Variants in DLGAP2 observed in about 807,000 individuals in gnomAD.
The protein encoded by DLGAP2 is DLG associated protein 2, also known as disks large-associated protein 2.
Under a neutral mutation model 100.3 loss-of-function variants are expected in DLGAP2, and 26 were observed. The observed-to-expected ratio is 0.26, with a 90% CI of 0.19 to 0.36. The LOEUF (loss-of-function observed/expected upper bound fraction) is 0.36, where lower values mean the gene tolerates loss of function less well. Among genes scored for constraint, DLGAP2 ranks in the 10% least tolerant of loss-of-function variants. DLGAP2 has a pLI of 1.00. For missense variants in DLGAP2, 1,858 were observed against 1,453.2 expected, an observed-to-expected ratio of 1.28 and a Z score of -4.53; for synonymous variants, 886 against 630.1, an observed-to-expected ratio of 1.41 and a Z score of -6.08.
intron 4 of DLGAP2, among the ~76,000 whole-genome samples, chr8:1,515,693 C>A (rs185503380): frequency 3.9e-5 from 6 of 152,248 alleles, no homozygotes; most frequent in Admixed American, 2.6e-4. Flanking sequence ...ACAACATGCA[C>A]AAATATGCAG....
chr8:1,673,496 CTTA>C (rs1798739529), intron 10 of DLGAP2, among the ~76,000 whole-genome samples: 1 of 152,232 alleles, frequency 6.6e-6, no homozygotes, highest in African/African-American at 2.4e-5. Context: ...CTTCATTTTA[CTTA>C]GAAAGATTTC....
At chr8:1,370,234 A>G (rs982781667) in intron 3 of DLGAP2, among the ~76,000 whole-genome samples, 10 of 152,118 alleles carry the variant, frequency 6.6e-5, no homozygotes, top group African/African-American at 2.4e-4. Context: ...GCAGGTAGAA[A>G]ATGGAGGTGA....
intron 3 of DLGAP2, among the ~76,000 whole-genome samples, chr8:1,336,497 C>T (rs1038094627): frequency 1.3e-5 from 2 of 152,210 alleles, no homozygotes; most frequent in African/African-American, 2.4e-5. Flanking sequence ...TCCAGTGTGC[C>T]ACTGAAACAC....
intron 2 of DLGAP2, among the ~76,000 whole-genome samples, chr8:1,152,575 G>C (rs900580812): frequency 6.6e-6 from 1 of 150,648 alleles, no homozygotes; most frequent in Non-Finnish European, 1.5e-5. Flanking sequence ...GTAAGGTGGT[G>C]GTTGATGGAA....
At chr8:1,475,512 G>A (rs751770521) in intron 3 of DLGAP2, among the ~76,000 whole-genome samples, 1 of 152,132 alleles carries the variant, frequency 6.6e-6, no homozygotes, top group Non-Finnish European at 1.5e-5. Context: ...GAGGTGCCCC[G>A]CTGATTGTTG....
rs146787058 is a variant in DLGAP2, at chr8:1,534,808, G to A, written c.173-13818G>A. Among the ~76,000 whole-genome samples, 164 of 152,302 alleles carry A rather than the reference G, an allele frequency of 1.1e-3. 2 individuals are homozygous for A. The highest frequency in any genetic ancestry group is 0.01 in the Middle Eastern group (3 of 292). On this transcript the variant is annotated intron_variant, in intron 4 of 14. Transcript: ENST00000637795. ...CGTGTGTGAGTGTAAGTGTGTGTGC[G>A]CGTGATGTGTGTGCGTGTGCGCACG...
intron 2 of DLGAP2, among the ~76,000 whole-genome samples, chr8:1,022,026 C>A (rs1198318594): frequency 6.6e-6 from 1 of 152,166 alleles, no homozygotes; most frequent in African/African-American, 2.4e-5. Flanking sequence ...ACTGGCCTTG[C>A]AAAGGGGTGA....
intron 1 of DLGAP2, among the ~76,000 whole-genome samples, chr8:866,887 C>T (rs1401689864): frequency 2.6e-5 from 4 of 152,156 alleles, no homozygotes; most frequent in African/African-American, 4.8e-5. Context: ...GTTCTCCTGT[C>T]GCCCCAACAT....
intron 2 of DLGAP2, among the ~76,000 whole-genome samples, chr8:1,174,086 GCAGTGTTAAACAGTGA>G (rs1160569882): frequency 6.6e-6 from 1 of 152,192 alleles, no homozygotes; most frequent in Non-Finnish European, 1.5e-5. Flanking sequence ...GGTCATGGGA[GCAGTGTTAAACAGTGA>G]CAGAGGGCTC....
chr8:809,299 T>C (rs1387559023), intron 1 of DLGAP2, among the ~76,000 whole-genome samples: 1 of 152,234 alleles, frequency 6.6e-6, no homozygotes, highest in East Asian at 1.9e-4. Flanking sequence ...AATTAGTTCA[T>C]AAACAATTAT....
chr8:1,206,559 C>T (rs867724232), intron 2 of DLGAP2, among the ~76,000 whole-genome samples: 1 of 140,358 alleles, frequency 7.1e-6, no homozygotes, highest in Non-Finnish European at 1.5e-5. Context: ...GGTTAATCTC[C>T]AGCCATCCGT....
chr8:1,344,149 CCTGTCGTGGGTCTTTGTACTCGGGGCG>C (rs1265431441), intron 3 of DLGAP2, among the ~76,000 whole-genome samples: 2 of 151,324 alleles, frequency 1.3e-5, no homozygotes, highest in African/African-American at 4.9e-5. Context: ...TACTCGGGGC[CCTGTCGTGGGTCTTTGTACTCGGGGCG>C]CTGTCGTGGG....
intron 4 of DLGAP2, among the ~76,000 whole-genome samples, chr8:1,542,994 G>A (rs1013643533): frequency 1.3e-5 from 2 of 152,038 alleles, no homozygotes; most frequent in Admixed American, 6.6e-5. Flanking sequence ...GTGCTCTTTC[G>A]CCGTTAGGAC....
rs199632957 is a variant in DLGAP2, at chr8:1,202,508, AC to A, written c.74-56342del. Among the ~76,000 whole-genome samples, 59 of 152,304 alleles carry A rather than the reference AC, an allele frequency of 3.9e-4. No homozygotes were observed. In the East Asian group the frequency reaches 9.1e-3, roughly 23 times the overall value. The stretch of plus-strand genomic sequence containing the variant: ...GTAGGAAGAAGGAGATGTCAGACAT[AC>A]AAAAACATGTTTTAAGGAATGTATT... On this transcript the variant is annotated intron_variant, in intron 2 of 14. Coordinates refer to ENST00000637795, the MANE Select transcript of DLGAP2 (RefSeq NM_001346810.2).
chr8:744,776 C>T (rs1047954028), intron 1 of DLGAP2, among the ~76,000 whole-genome samples: 3 of 152,238 alleles, frequency 2.0e-5, no homozygotes, highest in Non-Finnish European at 4.4e-5. Flanking sequence ...TGGCTTCACC[C>T]ACACTGGACG....
intron 1 of DLGAP2, among the ~76,000 whole-genome samples, chr8:851,011 A>C (rs1797173564): frequency 6.6e-6 from 1 of 152,222 alleles, no homozygotes; most frequent in South Asian, 2.1e-4. Flanking sequence ...GAGACGCAGC[A>C]AAAGATGAAA....
chr8:1,595,965 G>A (rs1395794249), intron 6 of DLGAP2, among the ~76,000 whole-genome samples: 3 of 151,722 alleles, frequency 2.0e-5, no homozygotes, highest in Non-Finnish European at 4.4e-5. Flanking sequence ...TTGGTGTGCT[G>A]TACCCATTAA....
intron 2 of DLGAP2, among the ~76,000 whole-genome samples, chr8:1,041,313 G>A (rs983696563): frequency 7.9e-5 from 12 of 151,910 alleles, no homozygotes; most frequent in Non-Finnish European, 1.3e-4. Flanking sequence ...ATCGCCCCTC[G>A]CAGCTACTCT....
intron 4 of DLGAP2, among the ~76,000 whole-genome samples, chr8:1,529,448 C>G (rs187645547): frequency 2.6e-5 from 4 of 152,138 alleles, no homozygotes; most frequent in East Asian, 1.9e-4. Context: ...TGGTGGCCAA[C>G]AAGATGGACC....
Sources: gnomAD v4.1 joint callset for allele counts (sites outside exome capture counted in the v4.1 genomes callset) on GRCh38, gnomAD v4.1.1 for gene constraint, MANE v1.5 for transcripts, NCBI Gene and HGNC (gene_info 2026-07-23, HGNC 2026-07-21) for gene names.